EIF3D: variants seen among roughly 807,000 people sequenced by gnomAD.
The protein encoded by EIF3D is eIF3 p66.
A neutral mutation model predicts 75.4 loss-of-function variants in EIF3D; 10 were observed. The ratio of observed to expected loss-of-function variants is 0.13; its 90% CI spans 0.08 to 0.22. EIF3D has a LOEUF of 0.22. Ranked by LOEUF, EIF3D falls within the 10% of genes least tolerant of loss-of-function variation. The pLI, the probability that EIF3D is intolerant of heterozygous loss-of-function variation, is 1.00. For missense variants in EIF3D, 394 were observed against 708.0 expected, an observed-to-expected ratio of 0.56 and a Z score of 5.03; for synonymous variants, 246 against 248.3, an observed-to-expected ratio of 0.99 and a Z score of 0.09.
In EIF3D at chr22:36,529,122, G is replaced by T. The variant is rs1001456051; in HGVS notation, c.-57C>A. On this transcript the variant is annotated 5_prime_UTR_variant, in exon 1 of 15. Coordinates refer to ENST00000216190, the MANE Select transcript of EIF3D (RefSeq NM_003753.4). ...GGGATGGCAACAGATGGTGCGTGCC[G>T]GGGACCGCGTTAGCAGCAGCACTCT... 2 of 393,728 alleles carry T rather than the reference G, an allele frequency of 5.1e-6. No individual in the cohort carries two copies. Among genetic ancestry groups the T allele is most frequent in the Non-Finnish European group, 4.5e-6 (1 of 223,318 alleles). The allele number at this position is 393,728 out of a possible 1,614,324, so 24.4% of individuals were successfully genotyped here. A position where few individuals can be genotyped will look rare whatever the true frequency, so the allele number is the denominator to read the frequency against.
At chr22:36,521,398 C>T (rs892910429) in intron 6 of EIF3D, among the ~76,000 whole-genome samples, 6 of 152,076 alleles carry the variant, frequency 3.9e-5, no homozygotes, top group African/African-American at 7.2e-5. Flanking sequence ...ATATTTCTCT[C>T]GGGTTATTAA....
At chr22:36,525,574 A>G in intron 3 of EIF3D, 90 bp downstream of exon 3, 1 of 1,405,860 alleles carries the variant, frequency 7.1e-7, no homozygotes, top group East Asian at 2.3e-5. Flanking sequence ...GTTTCTTCCC[A>G]TTCTAAAAAG....
At chr22:36,514,164 C>T (rs1232305591) in intron 12 of EIF3D, among the ~76,000 whole-genome samples, 1 of 152,144 alleles carries the variant, frequency 6.6e-6, no homozygotes, top group African/African-American at 2.4e-5. Flanking sequence ...TGCTGATGGA[C>T]AGCTGGCCCA....
intron 4 of EIF3D, 73 bp from the exon 5 acceptor site, chr22:36,524,053 G>T: frequency 1.4e-6 from 2 of 1,447,032 alleles, no homozygotes; most frequent in Non-Finnish European, 1.9e-6. Context: ...CAAGTGGGAG[G>T]TCTTTGGAGT....
At chr22:36,516,680 A>T in intron 11 of EIF3D, 25 bp downstream of exon 11, 6 of 1,614,176 alleles carry the variant, frequency 3.7e-6, no homozygotes, top group Non-Finnish European at 5.1e-6. Flanking sequence ...GTCTGGCCAC[A>T]ATACCCACCA....
In EIF3D at chr22:36,521,659, C is replaced by T. The variant is rs11703713; in HGVS notation, c.466-971G>A. On this transcript the variant is annotated intron_variant, in intron 6 of 14. Transcript: ENST00000216190. Reference sequence around the variant, plus strand: ...AAGCTCATCTGGGCTGGGTGTGGTGCCTCACGCCTGTAATCCCAGCACTTT... The same window carrying T: ...AAGCTCATCTGGGCTGGGTGTGGTGTCTCACGCCTGTAATCCCAGCACTTT... Among the ~76,000 whole-genome samples, 166 of 151,782 alleles carry T rather than the reference C, an allele frequency of 1.1e-3. 1 individual carries two copies. Among genetic ancestry groups the T allele is most frequent in the Non-Finnish European group, 1.8e-3 (124 of 67,902 alleles).
At chr22:36,511,862 A>G (rs562249373) in intron 13 of EIF3D, 76 bp from the exon 14 acceptor site, 4 of 1,560,494 alleles carry the variant, frequency 2.6e-6, no homozygotes, top group Non-Finnish European at 3.5e-6. Flanking sequence ...AATGTCAATT[A>G]AATGGTGATA....
chr22:36,511,899 T>TTC lies in EIF3D; in HGVS notation c.1350-114_1350-113insGA, dbSNP rs71784202. The TTC allele has an allele frequency of 1.2e-4, 179 of 1,435,702 alleles. No homozygotes were observed. The East Asian group carries it at 2.2e-3, about 18-fold the overall frequency. The allele number at this position is 1,435,702 out of a possible 1,614,324, so 88.9% of individuals were successfully genotyped here. A position where few individuals can be genotyped will look rare whatever the true frequency, so the allele number is the denominator to read the frequency against. ...CTGGTCCACTGCTATTTTTTCTTTT[T>TTC]TTTTTTTTTGAGACGGAGTCTGGCT... is the stretch of plus-strand genomic sequence containing the variant. On this transcript the variant is annotated intron_variant, in intron 13 of 14. Transcript: ENST00000216190.
intron 6 of EIF3D, among the ~76,000 whole-genome samples, chr22:36,522,780 G>A (rs1265999851): frequency 2.0e-5 from 3 of 152,164 alleles, no homozygotes; most frequent in East Asian, 3.8e-4. Context: ...AATGCCTCAT[G>A]CCCTTCTCTC....
intron 5 of EIF3D, 123 bp downstream of exon 5, chr22:36,523,772 T>C (rs1934552884): frequency 2.2e-6 from 2 of 927,064 alleles, no homozygotes; most frequent in African/African-American, 1.6e-5. Context: ...TAACTGGTTG[T>C]AGAAAGTATT....
In EIF3D at chr22:36,517,314, T is replaced by C; in HGVS notation, c.977A>G (p.Gln326Arg). ...TCGTTTCCTCACCATTCTCAAGCAC[T>C]GCTGGGAGAAATTGTGGTTGATGTA... ...ATYINHNFSQ[Q>R]CLRMGKERYN... The change falls in exon 10 of 15, where the codon CAG becomes CGG. Residue 326 changes from glutamine (Q) to arginine (R), a missense_variant. By Grantham distance (43) the Gln-to-Arg change is conservative (BLOSUM62 1). Transcript: ENST00000216190. The C allele has an allele frequency of 6.2e-7, 1 of 1,613,880 alleles. No individual in the cohort carries two copies. Among genetic ancestry groups the C allele is most frequent in the Non-Finnish European group, 8.5e-7 (1 of 1,179,908 alleles).
chr22:36,512,112 G>C (rs938921900), intron 13 of EIF3D, among the ~76,000 whole-genome samples: 1 of 152,086 alleles, frequency 6.6e-6, no homozygotes, highest in Admixed American at 6.5e-5. Flanking sequence ...GGATGGTCTT[G>C]ATCTCCTGAC....
chr22:36,525,928 A>C (rs1360424730), intron 2 of EIF3D, 71 bp downstream of exon 2: 2 of 1,541,178 alleles, frequency 1.3e-6, no homozygotes, highest in African/African-American at 1.4e-5. Context: ...TGAGACAATA[A>C]AATCTAAACA....
Position 36,523,878 on chromosome 22 carries a change from C to T in EIF3D, c.392+17G>A, listed in dbSNP as rs769859450. The T allele has an allele frequency of 6.2e-7, 1 of 1,612,168 alleles. No homozygotes were observed. Among genetic ancestry groups the T allele is most frequent in the Non-Finnish European group, 8.5e-7 (1 of 1,178,300 alleles). ...GTCTGGGAAGGGTGTCTTGTTCCAG[C>T]AGGATGAAAATCTCACCTCTCTTTC... On this transcript the variant is annotated intron_variant, in intron 5 of 14. Coordinates refer to ENST00000216190, the MANE Select transcript of EIF3D (RefSeq NM_003753.4).
Position 36,523,297 on chromosome 22 carries a change from T to G in EIF3D, c.393-16A>C. The G allele has an allele frequency of 6.2e-7, 1 of 1,609,012 alleles. No individual in the cohort carries two copies. Among genetic ancestry groups the G allele is most frequent in the Admixed American group, 1.7e-5 (1 of 59,750 alleles). ...AATGCGTTCTCTGGAAAGACAGACA[T>G]ATGATCTCAGTGCAGACCTTTAAAC... On this transcript the variant is annotated splice_polypyrimidine_tract_variant and intron_variant, in intron 5 of 14. Coordinates refer to ENST00000216190, the MANE Select transcript of EIF3D (RefSeq NM_003753.4).
At chr22:36,527,884 C>T (rs146051634) in intron 1 of EIF3D, among the ~76,000 whole-genome samples, 182 of 152,328 alleles carry the variant, frequency 1.2e-3, no homozygotes, top group African/African-American at 4.2e-3. Flanking sequence ...AGTAAACTCT[C>T]CTCAAAGCCC....
At chr22:36,511,352 G>A (rs1934332084) in intron 14 of EIF3D, 151 bp downstream of exon 14, 1 of 1,451,178 alleles carries the variant, frequency 6.9e-7, no homozygotes, top group Admixed American at 2.2e-5. Flanking sequence ...TCTAGAAGAA[G>A]CTCTTGGAGC....
intron 12 of EIF3D, 117 bp from the exon 13 acceptor site, chr22:36,512,719 G>T (rs1475710102): frequency 2.6e-6 from 3 of 1,172,122 alleles, no homozygotes; most frequent in African/African-American, 1.5e-5. Flanking sequence ...GGGTAGGTAC[G>T]CACTAAATCT....
rs1934564007 is a variant in EIF3D at position 36,524,462 on chromosome 22, G to A, written c.306+134C>T. 1.0e-4 allele frequency: 128 copies of A among 1,277,972 alleles called. 2 individuals are homozygous for A. In the South Asian group the frequency reaches 1.4e-3, roughly 14 times the overall value. The allele number at this position is 1,277,972 out of a possible 1,614,324, so 79.2% of individuals were successfully genotyped here. ...ACCTTGGTACCACTTGTTATGGAACGGTGACCCGAGATTCACGAAAAGACC... is the reference window on the plus strand; with the variant it reads ...ACCTTGGTACCACTTGTTATGGAACAGTGACCCGAGATTCACGAAAAGACC... On this transcript the variant is annotated intron_variant, in intron 4 of 14. Transcript: ENST00000216190.
Sources: gnomAD v4.1 joint callset for allele counts (sites outside exome capture counted in the v4.1 genomes callset) on GRCh38, gnomAD v4.1.1 for gene constraint, MANE v1.5 for transcripts, NCBI Gene and HGNC (gene_info 2026-07-23, HGNC 2026-07-21) for gene names.